SPATA6: variants seen among roughly 807,000 people sequenced by gnomAD.
The protein encoded by SPATA6 is spermatogenesis-associated protein 6.
In SPATA6, 56 loss-of-function variants were observed where a neutral mutation model predicts 65.3. The ratio of observed to expected loss-of-function variants is 0.86; its 90% CI spans 0.69 to 1.07. The LOEUF (loss-of-function observed/expected upper bound fraction) is 1.07. SPATA6 is among the 50% of genes least tolerant of loss of function. The pLI is 0.00. For missense variants in SPATA6, 590 were observed against 594.8 expected (o/e 0.99, Z 0.08); for synonymous variants, 199 against 213.2 (o/e 0.93, Z 0.58).
intron 3 of SPATA6, chr1:48,436,510 C>A (rs1401603261): frequency 5.6e-6 from 9 of 1,611,520 alleles, no homozygotes. Context: ...TGGCTGTATT[C>A]ACAGGAGTAT....
At chr1:48,302,835 G>A (rs1644972054) in intron 12 of SPATA6, among the ~76,000 whole-genome samples, 1 of 151,994 alleles carries the variant, frequency 6.6e-6, no homozygotes, top group Non-Finnish European at 1.5e-5. Flanking sequence ...TTTACTGTCT[G>A]CCCCAACCAG....
intron 3 of SPATA6, among the ~76,000 whole-genome samples, chr1:48,429,996 G>C (rs1654250181): frequency 6.6e-6 from 1 of 152,096 alleles, no homozygotes; most frequent in South Asian, 2.1e-4. Context: ...GAATGTGTAG[G>C]ACACCATCAA....
At chr1:48,360,959 C>T (rs1557610645) in intron 9 of SPATA6, among the ~76,000 whole-genome samples, 2 of 152,158 alleles carry the variant, frequency 1.3e-5, no homozygotes, top group Non-Finnish European at 2.9e-5. Flanking sequence ...ATTAGATATA[C>T]TCTTCCAATT....
intron 9 of SPATA6, among the ~76,000 whole-genome samples, chr1:48,376,086 C>T (rs1036006926): frequency 8.5e-5 from 13 of 152,148 alleles, no homozygotes; most frequent in Admixed American, 4.6e-4. Context: ...TTGAAAGATA[C>T]AGCATTTATC....
intron 1 of SPATA6, among the ~76,000 whole-genome samples, chr1:48,463,860 CA>C (rs916538574): frequency 2.0e-5 from 3 of 151,934 alleles, no homozygotes; most frequent in Admixed American, 2.0e-4. Flanking sequence ...ATTAGCCAAC[CA>C]AATCCAGCAA....
chr1:48,452,078 T>A (rs1656621084), intron 2 of SPATA6, among the ~76,000 whole-genome samples: 1 of 152,134 alleles, frequency 6.6e-6, no homozygotes, highest in Admixed American at 6.5e-5. Flanking sequence ...TATCTAAAAT[T>A]ATTCACATAT....
Position 48,453,037 on chromosome 1 carries a change from G to C in SPATA6, c.146C>G (p.Ala49Gly), listed in dbSNP as rs779809545. ...GQYKKTQCVP[A>G]TFPLVFNARM... ...GGCATTGAAGACCAGGGGAAAAGTG[G>C]CTGGGACACATTGTGTCTTTTTGTA... The change falls in exon 2 of 13, where the codon GCC becomes GGC. Residue 49 changes from alanine to glycine, a missense_variant. Coordinates refer to ENST00000371847, the MANE Select transcript of SPATA6 (RefSeq NM_019073.4). 16 of 1,613,882 alleles carry C rather than the reference G, an allele frequency of 9.9e-6. 1 individual carries two copies. The Admixed American group carries it at 1.7e-4, about 17-fold the overall frequency.
At chr1:48,283,981 G>A in the SPATA6 span, among the ~76,000 whole-genome samples, 1 of 152,114 alleles carries the variant, frequency 6.6e-6, no homozygotes, top group Non-Finnish European at 1.5e-5. Context: ...GGCCTGTCTT[G>A]CTAGGTTGGG....
the SPATA6 span, among the ~76,000 whole-genome samples, chr1:48,285,555 C>A: frequency 6.6e-6 from 1 of 151,714 alleles, no homozygotes; most frequent in Admixed American, 6.6e-5. Flanking sequence ...GTGTGAAACC[C>A]AGGGCCCTGG....
intron 3 of SPATA6, among the ~76,000 whole-genome samples, chr1:48,424,030 T>C (rs536836472): frequency 2.6e-5 from 4 of 152,200 alleles, no homozygotes; most frequent in Non-Finnish European, 5.9e-5. Context: ...TATTTTAAAA[T>C]ATACAATTAA....
At chr1:48,470,516 G>A (rs553186165) in intron 1 of SPATA6, among the ~76,000 whole-genome samples, 3 of 152,286 alleles carry the variant, frequency 2.0e-5, no homozygotes, top group South Asian at 2.1e-4. Context: ...TGGAGTTTCC[G>A]AGAAAAATCT....
At chr1:48,310,224 C>G (rs1042974546) in intron 11 of SPATA6, among the ~76,000 whole-genome samples, 1 of 152,178 alleles carries the variant, frequency 6.6e-6, no homozygotes, top group African/African-American at 2.4e-5. Flanking sequence ...AAAGATTTTG[C>G]ACTGGGAAAG....
At chr1:48,355,475 C>T (rs571341792) in intron 11 of SPATA6, 195 bp downstream of exon 11, 7 of 462,324 alleles carry the variant, frequency 1.5e-5, no homozygotes, top group South Asian at 1.3e-4. Context: ...CTATTTCAAA[C>T]ATTTTGCATA....
chr1:48,374,316 A>G (rs2148867864), intron 9 of SPATA6, among the ~76,000 whole-genome samples: 1 of 152,264 alleles, frequency 6.6e-6, no homozygotes, highest in East Asian at 1.9e-4. Context: ...TTTTATAAAA[A>G]AAAAAAAGAA....
At chr1:48,338,612 A>G (rs1034322288) in intron 11 of SPATA6, among the ~76,000 whole-genome samples, 4 of 152,028 alleles carry the variant, frequency 2.6e-5, no homozygotes, top group African/African-American at 9.6e-5. Flanking sequence ...TGCAAAGGCT[A>G]TCTCTAAGAA....
intron 8 of SPATA6, among the ~76,000 whole-genome samples, chr1:48,387,895 G>A (rs1488648702): frequency 1.3e-5 from 2 of 152,168 alleles, no homozygotes; most frequent in African/African-American, 4.8e-5. Flanking sequence ...TTGGGACCCA[G>A]AGGGTCATCC....
intron 11 of SPATA6, among the ~76,000 whole-genome samples, chr1:48,335,392 C>T (rs1646032280): frequency 6.6e-6 from 1 of 150,730 alleles, no homozygotes; most frequent in Non-Finnish European, 1.5e-5. Flanking sequence ...TCAAACCATA[C>T]TACAAGGCTA....
At chr1:48,397,824 T>A (rs1650753300) in intron 7 of SPATA6, among the ~76,000 whole-genome samples, 1 of 151,670 alleles carries the variant, frequency 6.6e-6, no homozygotes, top group African/African-American at 2.4e-5. Flanking sequence ...GGAAACCATT[T>A]AAATACAAAC....
chr1:48,417,887 G>T (rs114110220), intron 3 of SPATA6, among the ~76,000 whole-genome samples: 176 of 151,900 alleles, frequency 1.2e-3, no homozygotes, highest in Middle Eastern at 0.01. Flanking sequence ...TTGTTGTTTG[G>T]TTTTTTTTGT....
Sources: gnomAD v4.1 joint callset for allele counts (sites outside exome capture counted in the v4.1 genomes callset) on GRCh38, gnomAD v4.1.1 for gene constraint, MANE v1.5 for transcripts, NCBI Gene and HGNC (gene_info 2026-07-23, HGNC 2026-07-21) for gene names.